Variants in ZNF385D observed in about 807,000 individuals in gnomAD.
The protein encoded by ZNF385D is zinc finger protein 659.
ZNF385D carries 15 observed loss-of-function variants against 35.8 expected under a neutral mutation model. The ratio of observed to expected loss-of-function variants is 0.42; its 90% CI spans 0.28 to 0.64. The LOEUF (loss-of-function observed/expected upper bound fraction) is 0.64. Among genes scored for constraint, ZNF385D ranks in the 30% least tolerant of loss-of-function variants. The probability of loss-of-function intolerance (pLI) is 0.23; values close to 1 mark genes in which losing one functional copy is unlikely to be tolerated. For missense variants in ZNF385D, 474 were observed against 494.6 expected, an observed-to-expected ratio of 0.96 and a Z score of 0.39; for synonymous variants, 212 against 186.8, an observed-to-expected ratio of 1.13 and a Z score of -1.10.
intron 4 of ZNF385D, among the ~76,000 whole-genome samples, chr3:21,499,673 C>T (rs919004916): frequency 1.3e-5 from 2 of 149,992 alleles, no homozygotes; most frequent in African/African-American, 4.9e-5. Context: ...AAACGAAAAA[C>T]AATAAAATAA....
At chr3:22,329,277 TTGAG>T (rs1380224921) in intron 2 of ZNF385D, among the ~76,000 whole-genome samples, 3 of 152,142 alleles carry the variant, frequency 2.0e-5, no homozygotes, top group African/African-American at 4.8e-5. Context: ...CTTCTCTTTC[TTGAG>T]TAACAATTTG....
chr3:22,200,140 A>T (rs74342346), intron 2 of ZNF385D, among the ~76,000 whole-genome samples: 2 of 152,130 alleles, frequency 1.3e-5, no homozygotes, highest in African/African-American at 2.4e-5. Flanking sequence ...GGGCCATAGG[A>T]TAATTTACAT....
chr3:21,914,971 C>T lies in ZNF385D; in HGVS notation c.326-249943G>A, dbSNP rs1400703924. Reference sequence around the variant, plus strand: ...TTAGTATGTGTGCAAATACCACAAGCACGAGGAAAAGTTTGTGACTTGGTT... The same window carrying T: ...TTAGTATGTGTGCAAATACCACAAGTACGAGGAAAAGTTTGTGACTTGGTT... On this transcript the variant is annotated intron_variant, in intron 3 of 5. Coordinates refer to the ZNF385D transcript ENST00000494108. Among the ~76,000 whole-genome samples, 10 of 148,396 alleles carry T rather than the reference C, an allele frequency of 6.7e-5. No homozygotes were observed. The South Asian group carries it at 2.1e-3, about 32-fold the overall frequency.
intron 3 of ZNF385D, among the ~76,000 whole-genome samples, chr3:21,762,630 G>A (rs966089026): frequency 5.3e-5 from 8 of 151,670 alleles, no homozygotes; most frequent in Admixed American, 3.3e-4. Context: ...TCATAATGTC[G>A]GCCTATAATA....
Position 22,120,683 on chromosome 3 carries a change from G to C in ZNF385D, c.325+48134C>G, listed in dbSNP as rs115699208. Among the ~76,000 whole-genome samples the C allele has an allele frequency of 5.8e-3, 889 of 152,206 alleles. 8 individuals are homozygous for C. The highest frequency in any genetic ancestry group is 0.019 in the African/African-American group (785 of 41,550). ...GTCTGAACGTATTCACCTAAATTTA[G>C]TGAGTAATAATACAATCTAGCTTAT... On this transcript the variant is annotated intron_variant, in intron 3 of 5. Coordinates refer to the ZNF385D transcript ENST00000494108.
intron 3 of ZNF385D, among the ~76,000 whole-genome samples, chr3:22,043,845 G>T (rs1402979048): frequency 6.6e-6 from 1 of 152,074 alleles, no homozygotes; most frequent in African/African-American, 2.4e-5. Flanking sequence ...GACTCTACTT[G>T]CATGCTTGCT....
At chr3:21,568,652 A>G (rs528059127) in intron 2 of ZNF385D, among the ~76,000 whole-genome samples, 1 of 152,262 alleles carries the variant, frequency 6.6e-6, no homozygotes, top group South Asian at 2.1e-4. Flanking sequence ...GAATATTACA[A>G]TCTCTGAGAT....
chr3:21,846,970 A>T (rs1696045942), intron 3 of ZNF385D, among the ~76,000 whole-genome samples: 1 of 152,058 alleles, frequency 6.6e-6, no homozygotes, highest in African/African-American at 2.4e-5. Context: ...AAGGTCATGT[A>T]ACTAGTCAGA....
At chr3:22,171,079 T>C (rs1277610199) in intron 2 of ZNF385D, among the ~76,000 whole-genome samples, 1 of 151,950 alleles carries the variant, frequency 6.6e-6, no homozygotes, top group Non-Finnish European at 1.5e-5. Context: ...AGCATTTCTG[T>C]ATTTAAAAAA....
chr3:22,245,199 T>C (rs1699709408), intron 2 of ZNF385D, among the ~76,000 whole-genome samples: 1 of 152,118 alleles, frequency 6.6e-6, no homozygotes. Context: ...TTTTCTTTGC[T>C]TTCAGATTGC....
chr3:21,698,906 G>T (rs1482418551), intron 1 of ZNF385D, among the ~76,000 whole-genome samples: 1 of 152,158 alleles, frequency 6.6e-6, no homozygotes, highest in Non-Finnish European at 1.5e-5. Flanking sequence ...ATGAAAATTA[G>T]TTCAACCACT....
intron 4 of ZNF385D, among the ~76,000 whole-genome samples, chr3:21,442,154 A>T (rs1701893303): frequency 6.6e-6 from 1 of 152,196 alleles, no homozygotes; most frequent in Admixed American, 6.6e-5. Flanking sequence ...GATTCCAAAA[A>T]ATATCAACAC....
intron 2 of ZNF385D, among the ~76,000 whole-genome samples, chr3:22,359,059 A>G (rs1483080520): frequency 4.0e-5 from 6 of 148,396 alleles, no homozygotes; most frequent in Admixed American, 4.0e-4. Context: ...CAAACAAACA[A>G]ACAAACAAAA....
intron 1 of ZNF385D, among the ~76,000 whole-genome samples, chr3:21,715,384 T>A (rs768250426): frequency 6.6e-6 from 1 of 152,136 alleles, no homozygotes; most frequent in Non-Finnish European, 1.5e-5. Context: ...TCACTTGAGA[T>A]AATGACCTCC....
chr3:22,303,970 G>A (rs866369124), intron 2 of ZNF385D, among the ~76,000 whole-genome samples: 1 of 152,112 alleles, frequency 6.6e-6, no homozygotes, highest in Non-Finnish European at 1.5e-5. Flanking sequence ...TAGAGACAGG[G>A]TTTCACCATG....
At chr3:21,988,676 T>C (rs1323907086) in intron 3 of ZNF385D, among the ~76,000 whole-genome samples, 1 of 151,574 alleles carries the variant, frequency 6.6e-6, no homozygotes, top group African/African-American at 2.4e-5. Context: ...GCAGGCCTCC[T>C]TGAGCTGTGG....
chr3:21,669,148 G>A (rs934941558), intron 1 of ZNF385D, among the ~76,000 whole-genome samples: 4 of 152,146 alleles, frequency 2.6e-5, no homozygotes, highest in African/African-American at 9.7e-5. Flanking sequence ...TTATTACACA[G>A]TTTTAACAAA....
intron 1 of ZNF385D, among the ~76,000 whole-genome samples, chr3:21,728,388 G>C (rs1427943608): frequency 6.6e-6 from 1 of 151,952 alleles, no homozygotes; most frequent in Non-Finnish European, 1.5e-5. Flanking sequence ...TGGAAAAACA[G>C]AATTTAACGT....
chr3:21,843,967 T>C (rs1414422691), intron 3 of ZNF385D, among the ~76,000 whole-genome samples: 2 of 151,958 alleles, frequency 1.3e-5, no homozygotes, highest in Non-Finnish European at 2.9e-5. Flanking sequence ...GGAGATAAGA[T>C]ACATTCATAA....
Sources: allele counts gnomAD v4.1 joint callset (sites outside exome capture counted in the v4.1 genomes callset), GRCh38; gene constraint gnomAD v4.1.1; transcripts MANE v1.5; gene names NCBI Gene and HGNC (gene_info 2026-07-23, HGNC 2026-07-21).